FREM1: variants seen among roughly 807,000 people sequenced by gnomAD.
The protein encoded by FREM1 is FRAS1 related extracellular matrix 1.
A neutral mutation model predicts 210.1 loss-of-function variants in FREM1; 220 were observed. The ratio of observed to expected loss-of-function variants is 1.05; its 90% CI spans 0.94 to 1.17. The LOEUF (loss-of-function observed/expected upper bound fraction) is 1.17. Among genes scored for constraint, FREM1 ranks in the 50% most tolerant of loss-of-function variants. The pLI is 0.00. For synonymous variants in FREM1, 1,189 were observed against 980.2 expected (o/e 1.21, Z -3.98); for missense variants, 3,454 against 2,675.5 (o/e 1.29, Z -6.42).
At chr9:14,806,157 G>A (rs951884678) in intron 18 of FREM1, among the ~76,000 whole-genome samples, 1 of 151,912 alleles carries the variant, frequency 6.6e-6, no homozygotes, top group Admixed American at 6.6e-5. Flanking sequence ...ATGCAAGGGG[G>A]AAGTCAGAAT....
chr9:14,861,186 CATATATACATATATACACACATATACAT>C (rs1564106706), intron 3 of FREM1, among the ~76,000 whole-genome samples: 4 of 117,442 alleles, frequency 3.4e-5, no homozygotes, highest in Non-Finnish European at 4.9e-5. Context: ...CATATATACA[CATATATACATATATACACACATATACAT>C]ATATACACAT....
At chr9:14,765,632 T>C (rs993178088) in intron 27 of FREM1, among the ~76,000 whole-genome samples, 3 of 152,166 alleles carry the variant, frequency 2.0e-5, no homozygotes, top group African/African-American at 7.2e-5. Context: ...CACCTTCCCC[T>C]ATCAGGTGTT....
At chr9:14,800,619 T>A (rs1817093777) in intron 20 of FREM1, among the ~76,000 whole-genome samples, 1 of 151,876 alleles carries the variant, frequency 6.6e-6, no homozygotes. Flanking sequence ...CTCAATAGTT[T>A]TAAAAAGGAT....
rs1480989082 is a variant in FREM1 at position 14,806,599 on chromosome 9, G to A, written c.3274+62C>T. The A allele has an allele frequency of 2.0e-5, 19 of 971,752 alleles. No individual in the cohort carries two copies. In the Middle Eastern group the frequency reaches 1.1e-3, roughly 56 times the overall value. The allele number at this position is 971,752 out of a possible 1,614,324, so 60.2% of individuals were successfully genotyped here. Reference sequence around the variant, plus strand: ...CTTACAAAGTTATTAAGCATGACCTGGCCAATCGCTTCCATAAATATAAGG... The same window carrying A: ...CTTACAAAGTTATTAAGCATGACCTAGCCAATCGCTTCCATAAATATAAGG... On this transcript the variant is annotated intron_variant, in intron 18 of 36. Coordinates refer to ENST00000380880, the MANE Select transcript of FREM1 (RefSeq NM_001379081.2).
rs376930400 is a variant in FREM1, at chr9:14,801,866, C to T, written c.3480G>A (p.Glu1160=). The change falls in exon 20 of 37, where the codon GAG becomes GAA. Residue 1160 remains glutamate (E), a synonymous_variant. Transcript: ENST00000380880. The part of the protein sequence containing the change: ...DFVVQNITVC[E]GQMKELDSSI... Reference sequence around the variant, plus strand: ...AAGAGTCCAGCTCTTTCATCTGACCCTCACACACCTGAGCAAGAACACATG... The same window carrying T: ...AAGAGTCCAGCTCTTTCATCTGACCTTCACACACCTGAGCAAGAACACATG... 36 of 1,609,732 alleles carry T rather than the reference C, an allele frequency of 2.2e-5. No individual in the cohort carries two copies. In the African/African-American group the frequency reaches 3.9e-4, roughly 17 times the overall value.
intron 24 of FREM1, among the ~76,000 whole-genome samples, chr9:14,778,829 G>A (rs937391606): frequency 1.3e-5 from 2 of 149,876 alleles, no homozygotes; most frequent in Non-Finnish European, 3.0e-5. Context: ...GAGCGCTCGA[G>A]CTCAGGAGTT....
intron 1 of FREM1, among the ~76,000 whole-genome samples, chr9:14,884,003 C>T (rs1371475811): frequency 3.9e-5 from 6 of 152,058 alleles, no homozygotes; most frequent in East Asian, 1.9e-4. Context: ...CCCAGGCAGG[C>T]GGATCACCTG....
intron 5 of FREM1, among the ~76,000 whole-genome samples, chr9:14,852,608 C>G (rs1001554717): frequency 6.6e-6 from 1 of 152,200 alleles, no homozygotes; most frequent in African/African-American, 2.4e-5. Context: ...GCAGGAAGAT[C>G]ACTTGAGCCC....
intron 4 of FREM1, among the ~76,000 whole-genome samples, 195 bp downstream of exon 4, chr9:14,858,988 A>G (rs1829310622): frequency 1.3e-5 from 2 of 152,198 alleles, no homozygotes; most frequent in South Asian, 2.1e-4. Flanking sequence ...TTACACAGAA[A>G]ATAAAGAACA....
rs17218977 is a variant in FREM1 at position 14,770,523 on chromosome 9, G to A, written c.5059+82C>T. ...TGGGGAGTGTTTACCAAATGGGCCT[G>A]CACTTAATTAAATTACTCTCTAGCC... On this transcript the variant is annotated intron_variant, in intron 26 of 36. Coordinates refer to ENST00000380880, the MANE Select transcript of FREM1 (RefSeq NM_001379081.2). 142,585 of 1,011,554 alleles carry A rather than the reference G, an allele frequency of 0.14. 11,470 individuals are homozygous for A. Among genetic ancestry groups the A allele is most frequent in the Non-Finnish European group, 0.17 (110,932 of 650,874 alleles). The allele number at this position is 1,011,554 out of a possible 1,614,324, so 62.7% of individuals were successfully genotyped here.
At chr9:14,740,623 A>C (rs1841398751) in intron 35 of FREM1, among the ~76,000 whole-genome samples, 1 of 152,224 alleles carries the variant, frequency 6.6e-6, no homozygotes, top group Admixed American at 6.5e-5. Flanking sequence ...TACCAAGTTA[A>C]TTTGATGAGT....
intron 23 of FREM1, among the ~76,000 whole-genome samples, chr9:14,784,860 G>A (rs541428383): frequency 1.3e-5 from 2 of 152,156 alleles, no homozygotes; most frequent in Non-Finnish European, 2.9e-5. Context: ...AAATGCTCAA[G>A]CTCATTAGTA....
At chr9:14,897,917 T>C (rs931172554) in intron 1 of FREM1, among the ~76,000 whole-genome samples, 4 of 152,234 alleles carry the variant, frequency 2.6e-5, no homozygotes, top group Admixed American at 1.3e-4. Context: ...AGAGTCTTAA[T>C]GCTCTTTCCT....
chr9:14,891,047 T>C (rs1210809828), intron 1 of FREM1, among the ~76,000 whole-genome samples: 3 of 152,220 alleles, frequency 2.0e-5, no homozygotes, highest in African/African-American at 7.2e-5. Context: ...ACCGTGGGCA[T>C]GTACCAAAAC....
Position 14,841,501 on chromosome 9 carries a change from A to C in FREM1, c.1827T>G (p.Ser609=). ...GGCTGTCCCACAGGACAAATTGAAA[A>C]GAATCTTCAAAGATTTCTCCACCAA... ...RHFGGEIFED[S]FQFVLWDSHE... Residue 609 remains serine, a synonymous_variant, in exon 10 of 37, where the codon TCT becomes TCG. Coordinates refer to ENST00000380880, the MANE Select transcript of FREM1 (RefSeq NM_001379081.2). 6 of 1,612,570 alleles carry C rather than the reference A, an allele frequency of 3.7e-6. No individual in the cohort carries two copies. Among genetic ancestry groups the C allele is most frequent in the Non-Finnish European group, 5.1e-6 (6 of 1,178,898 alleles).
chr9:14,801,430 T>C lies in FREM1; in HGVS notation c.3694+222A>G, dbSNP rs532702057. ...GTATGCAATATATTGTTAACTATGG[T>C]AATTATGCTGTACAATAAATCTCTT... On this transcript the variant is annotated intron_variant, in intron 20 of 36. Transcript: ENST00000380880. Among the ~76,000 whole-genome samples the C allele has an allele frequency of 2.5e-4, 38 of 152,352 alleles. No individual in the cohort carries two copies. In the South Asian group the frequency reaches 7.5e-3, roughly 30 times the overall value.
rs1328308373 is a variant in FREM1 at position 14,807,945 on chromosome 9, G to A, written c.3083C>T (p.Ala1028Val). Residue 1028 changes from alanine to valine, a missense_variant, in exon 17 of 37, where the codon GCA becomes GTA. By Grantham distance (64) the Ala-to-Val change is moderately conservative. Coordinates refer to ENST00000380880, the MANE Select transcript of FREM1 (RefSeq NM_001379081.2). The stretch of plus-strand genomic sequence containing the variant: ...ACAAAAAAACACATTGTCACCTATT[G>A]CAATGGAAGGTGGCTGGTTGTCTAC... ...YPVDNQPPSI[A>V]IGPVFVVDEG... 1 of 1,609,504 alleles carries A rather than the reference G, an allele frequency of 6.2e-7. No homozygotes were observed. The highest frequency in any genetic ancestry group is 8.5e-7 in the Non-Finnish European group (1 of 1,176,368).
At chr9:14,746,795 T>C in intron 34 of FREM1, 128 bp downstream of exon 34, 1 of 1,188,900 alleles carries the variant, frequency 8.4e-7, no homozygotes, top group Non-Finnish European at 1.2e-6. Context: ...CCTCTTGGCC[T>C]TCAAGTTGTT....
intron 29 of FREM1, among the ~76,000 whole-genome samples, chr9:14,750,791 A>C (rs182530409): frequency 6.6e-6 from 1 of 152,244 alleles, no homozygotes; most frequent in East Asian, 1.9e-4. Flanking sequence ...CTAGCCCACA[A>C]ATGCTTTTTC....
Sources: gnomAD v4.1 joint callset for allele counts (sites outside exome capture counted in the v4.1 genomes callset) on GRCh38, gnomAD v4.1.1 for gene constraint, MANE v1.5 for transcripts, NCBI Gene and HGNC (gene_info 2026-07-23, HGNC 2026-07-21) for gene names.